RPP30: variants seen among roughly 807,000 people sequenced by gnomAD.
The protein encoded by RPP30 is ribonuclease P/MRP subunit p30.
Under a neutral mutation model 38.6 loss-of-function variants are expected in RPP30, and 36 were observed. The observed-to-expected ratio is 0.93, with a 90% CI of 0.71 to 1.23. The LOEUF is 1.23. Among genes scored for constraint, RPP30 ranks in the 50% most tolerant of loss-of-function variants. The probability of loss-of-function intolerance (pLI) is 0.00; values close to 1 mark genes in which losing one functional copy is unlikely to be tolerated. For missense variants in RPP30, 321 were observed against 321.7 expected (o/e 1.00, Z 0.02); for synonymous variants, 126 against 112.7 (o/e 1.12, Z -0.75).
At chr10:90,878,357 A>C (rs530019356) in intron 4 of RPP30, among the ~76,000 whole-genome samples, 2 of 152,314 alleles carry the variant, frequency 1.3e-5, no homozygotes, top group African/African-American at 4.8e-5. Context: ...AGAAGATGCC[A>C]ACAAGCAGAG....
At chr10:90,886,593 A>G (rs1847002315) in intron 6 of RPP30, among the ~76,000 whole-genome samples, 1 of 152,188 alleles carries the variant, frequency 6.6e-6, no homozygotes, top group Non-Finnish European at 1.5e-5. Flanking sequence ...CTATTTTAGT[A>G]GCAAAAGGTC....
At chr10:90,887,817 G>A (rs771211563) in intron 6 of RPP30, among the ~76,000 whole-genome samples, 13 of 152,144 alleles carry the variant, frequency 8.5e-5, no homozygotes, top group Non-Finnish European at 1.5e-4. Context: ...CCACATTTTC[G>A]AGTTGGAAAT....
chr10:90,895,125 G>A (rs988122866), intron 7 of RPP30: 2 of 577,968 alleles, frequency 3.5e-6, no homozygotes, highest in Non-Finnish European at 6.2e-6. Flanking sequence ...ATAAAAATTT[G>A]CAATTTACAT....
At position 90,886,069 on chromosome 10, in the gene RPP30, A is replaced by G. The variant is rs188219746; in HGVS notation, c.432+168A>G. Among the ~76,000 whole-genome samples the G allele has an allele frequency of 1.5e-4, 23 of 152,366 alleles. No individual in the cohort carries two copies. The East Asian group carries it at 4.4e-3, about 29-fold the overall frequency. ...TTGAAAGCTGAACAAAGGGAGAAAG[A>G]AAGCTTAAAATTAAAAATATCCAGT... On this transcript the variant is annotated intron_variant, in intron 6 of 10. Transcript: ENST00000371703.
Position 90,900,733 on chromosome 10 carries a change from A to C in RPP30, c.*54A>C. ...CCCTTCTTCCCTTTTATAGTTCATC[A>C]GCCACAACAAAAATAAAACCTTTGT... is the stretch of plus-strand genomic sequence containing the variant. On this transcript the variant is annotated 3_prime_UTR_variant, in exon 11 of 11. Coordinates refer to ENST00000371703, the MANE Select transcript of RPP30 (RefSeq NM_006413.5). 1 of 1,565,074 alleles carries C rather than the reference A, an allele frequency of 6.4e-7. No individual in the cohort carries two copies. Among genetic ancestry groups the C allele is most frequent in the Non-Finnish European group, 8.6e-7 (1 of 1,160,044 alleles).
chr10:90,885,848 A>AT lies in RPP30; in HGVS notation c.380dup (p.Thr128AsnfsTer16). The AT allele has an allele frequency of 1.9e-6, 3 of 1,611,950 alleles. No homozygotes were observed. Among genetic ancestry groups the AT allele is most frequent in the Non-Finnish European group, 2.5e-6 (3 of 1,179,150 alleles). ...ACATTTAGATGTGGATTTAGTCTGC[A>AT]TAACTGTAACAGAGAAACTACCATT... On this transcript the variant is annotated frameshift_variant, in exon 6 of 11. Transcript: ENST00000371703. LOFTEE classifies it high-confidence loss of function.
chr10:90,891,040 A>G (rs7896973), intron 6 of RPP30, among the ~76,000 whole-genome samples: 73,922 of 152,102 alleles, frequency 0.49, 21,569 homozygotes, highest in African/African-American at 0.83. Context: ...TGTGTAAATG[A>G]GAACAGTCCC....
chr10:90,907,836 A>G (rs1020989189), downstream of RPP30, among the ~76,000 whole-genome samples: 1 of 152,218 alleles, frequency 6.6e-6, no homozygotes, highest in Non-Finnish European at 1.5e-5. Flanking sequence ...TACAACAGAC[A>G]GATACTGTGC....
At chr10:90,907,690 C>A (rs951491172), downstream of RPP30, among the ~76,000 whole-genome samples, 2 of 152,156 alleles carry the variant, frequency 1.3e-5, no homozygotes, top group African/African-American at 4.8e-5. Context: ...GAGCAGTGTT[C>A]CTGCTACCTG....
chr10:90,894,804 TG>T lies in RPP30; in HGVS notation c.463del (p.Val155SerfsTer11), dbSNP rs752428965. ...TTGACCGAGGCCTGGCTTTTGAACTTGTCTATAGCCCTGCTATCAAAGACTC... is the reference window on the plus strand; with the variant it reads ...TTGACCGAGGCCTGGCTTTTGAACTTTCTATAGCCCTGCTATCAAAGACTC... ...AIDRGLAFEL[V>X]YSPAIKDSTM... On this transcript the variant is annotated frameshift_variant, in exon 7 of 11. Transcript: ENST00000371703. LOFTEE classifies it high-confidence loss of function. 12 of 1,613,076 alleles carry T rather than the reference TG, an allele frequency of 7.4e-6. No homozygotes were observed. In the South Asian group the frequency reaches 1.3e-4, roughly 18 times the overall value.
intron 3 of RPP30, 87 bp from the exon 4 acceptor site, chr10:90,875,937 A>T: frequency 1.3e-6 from 1 of 774,086 alleles, no homozygotes; most frequent in Admixed American, 2.0e-5. Flanking sequence ...TATAGCCAGT[A>T]CCTTTTAATG....
chr10:90,876,780 AG>A (rs1421233527), intron 4 of RPP30, among the ~76,000 whole-genome samples: 1 of 152,200 alleles, frequency 6.6e-6, no homozygotes, highest in Non-Finnish European at 1.5e-5. Context: ...GTTTTAACTA[AG>A]GGAGTGAAAT....
chr10:90,887,099 T>C (rs970633443), intron 6 of RPP30, among the ~76,000 whole-genome samples: 2 of 151,288 alleles, frequency 1.3e-5, no homozygotes, highest in African/African-American at 4.9e-5. Context: ...TCCTGAGCAA[T>C]TGGGACTACA....
At chr10:90,873,915 A>G (rs1331611103) in intron 1 of RPP30, among the ~76,000 whole-genome samples, 8 of 152,312 alleles carry the variant, frequency 5.3e-5, no homozygotes, top group African/African-American at 1.4e-4. Flanking sequence ...TTACTTATAA[A>G]AAACATGTAT....
chr10:90,885,106 T>G (rs1008722076), intron 5 of RPP30, among the ~76,000 whole-genome samples: 1 of 152,232 alleles, frequency 6.6e-6, no homozygotes, highest in Non-Finnish European at 1.5e-5. Flanking sequence ...TTATCTTGTA[T>G]GTGGTTTTCA....
downstream of RPP30, among the ~76,000 whole-genome samples, chr10:90,903,580 C>T (rs756515721): frequency 3.9e-5 from 6 of 152,190 alleles, no homozygotes; most frequent in Non-Finnish European, 8.8e-5. Flanking sequence ...TCTATTCATA[C>T]ATGTTTATGC....
At chr10:90,898,864 G>T (rs1847172125) in intron 10 of RPP30, among the ~76,000 whole-genome samples, 1 of 152,194 alleles carries the variant, frequency 6.6e-6, no homozygotes, top group Non-Finnish European at 1.5e-5. Context: ...GATTGATAAA[G>T]TTCATGCCCT....
At chr10:90,873,219 TA>T (rs1016193211) in intron 1 of RPP30, among the ~76,000 whole-genome samples, 1 of 152,176 alleles carries the variant, frequency 6.6e-6, no homozygotes, top group South Asian at 2.1e-4. Context: ...CTGAACACAT[TA>T]AAAAAATTAA....
downstream of RPP30, among the ~76,000 whole-genome samples, chr10:90,907,034 T>C (rs536473770): frequency 6.6e-6 from 1 of 152,240 alleles, no homozygotes; most frequent in Non-Finnish European, 1.5e-5. Context: ...TTCCATATTG[T>C]CTCTCATGCC....
Sources: allele counts gnomAD v4.1 joint callset (sites outside exome capture counted in the v4.1 genomes callset), GRCh38; gene constraint gnomAD v4.1.1; transcripts MANE v1.5; gene names NCBI Gene and HGNC (gene_info 2026-07-23, HGNC 2026-07-21).